The following AP3S1 variants were observed in gnomAD, a reference collection of about 807,000 sequenced individuals.
AP3S1 encodes the protein AP-3 complex subunit sigma-1.
Under a neutral mutation model 21.3 loss-of-function variants are expected in AP3S1, and 12 were observed. The ratio of observed to expected loss-of-function variants is 0.56; its 90% confidence interval spans 0.36 to 0.91. The LOEUF (loss-of-function observed/expected upper bound fraction) is 0.91, where lower values mean the gene tolerates loss of function less well. AP3S1 is among the 40% of genes least tolerant of loss of function. The pLI is 0.01. For missense variants in AP3S1, 116 were observed against 225.0 expected, an observed-to-expected ratio of 0.52 and a Z score of 3.10; for synonymous variants, 48 against 78.4, an observed-to-expected ratio of 0.61 and a Z score of 2.05.
chr5:115,885,735 T>C (rs1460463392), intron 3 of AP3S1, among the ~76,000 whole-genome samples: 1 of 152,220 alleles, frequency 6.6e-6, no homozygotes, highest in Non-Finnish European at 1.5e-5. Context: ...ACAGCTAATA[T>C]TAACCATCAC....
In AP3S1 at chr5:115,907,070, T is replaced by C. The variant is rs1399334409; in HGVS notation, c.453+4078T>C. 7 of 881,496 alleles carry C rather than the reference T, an allele frequency of 7.9e-6. No individual in the cohort carries two copies. In the African/African-American group the frequency reaches 9.1e-5, roughly 11 times the overall value. The allele number at this position is 881,496 out of a possible 1,614,324, so 54.6% of individuals were successfully genotyped here. A position where few individuals can be genotyped will look rare whatever the true frequency, so the allele number is the denominator to read the frequency against. ...TTTTACTAGTATATCATTGATGTCA[T>C]GTTTGTTCTGTTTTGTCTGCCTGCA... On this transcript the variant is annotated intron_variant, in intron 5 of 5. Transcript: ENST00000316788.
chr5:115,864,791 A>G (rs1763488031), intron 1 of AP3S1, among the ~76,000 whole-genome samples: 1 of 152,216 alleles, frequency 6.6e-6, no homozygotes, highest in Non-Finnish European at 1.5e-5. Flanking sequence ...AGCAGAACAC[A>G]TTTTGATGGA....
At chr5:115,900,693 T>A (rs901797714) in intron 4 of AP3S1, among the ~76,000 whole-genome samples, 1 of 152,230 alleles carries the variant, frequency 6.6e-6, no homozygotes, top group Non-Finnish European at 1.5e-5. Flanking sequence ...GAACCCTGGC[T>A]TCCTTCAGTA....
intron 3 of AP3S1, among the ~76,000 whole-genome samples, chr5:115,892,888 A>G (rs778836286): frequency 1.3e-5 from 2 of 152,226 alleles, no homozygotes; most frequent in Non-Finnish European, 2.9e-5. Flanking sequence ...AGTGATTATC[A>G]TGCATTGCAT....
At chr5:115,896,503 G>A (rs113622611) in intron 4 of AP3S1, among the ~76,000 whole-genome samples, 6 of 152,306 alleles carry the variant, frequency 3.9e-5, no homozygotes, top group African/African-American at 1.4e-4. Context: ...TGAAGACCAG[G>A]TGCAGGTGCT....
intron 5 of AP3S1, among the ~76,000 whole-genome samples, chr5:115,910,070 C>T (rs1751975106): frequency 6.6e-6 from 1 of 152,054 alleles, no homozygotes; most frequent in Admixed American, 6.6e-5. Flanking sequence ...TTGAGCCAGT[C>T]TGGGCAACAC....
intron 1 of AP3S1, among the ~76,000 whole-genome samples, 177 bp downstream of exon 1, chr5:115,842,283 C>T (rs567765287): frequency 6.6e-6 from 1 of 152,302 alleles, no homozygotes; most frequent in Non-Finnish European, 1.5e-5. Flanking sequence ...TGCCCACCTC[C>T]CTGCCGCGCG....
At chr5:115,846,554 CG>C (rs1561467189) in intron 1 of AP3S1, among the ~76,000 whole-genome samples, 1 of 145,578 alleles carries the variant, frequency 6.9e-6, no homozygotes, top group Non-Finnish European at 1.5e-5. Context: ...TCTTCTTTCT[CG>C]TTTTTTTTTT....
chr5:115,894,889 G>A (rs1210052307), intron 3 of AP3S1, among the ~76,000 whole-genome samples, 198 bp from the exon 4 acceptor site: 1 of 152,058 alleles, frequency 6.6e-6, no homozygotes, highest in Non-Finnish European at 1.5e-5. Context: ...CTTATGTATT[G>A]AAAAGTAATT....
chr5:115,864,613 A>C (rs535483076), intron 1 of AP3S1, among the ~76,000 whole-genome samples: 9 of 152,366 alleles, frequency 5.9e-5, no homozygotes, highest in African/African-American at 2.2e-4. Flanking sequence ...ATTCCTGCTG[A>C]AGAAAACCGT....
At position 115,895,074 on chromosome 5, in the gene AP3S1, T is replaced by C. The variant is rs765077859; in HGVS notation, c.274-13T>C. 3.8e-6 allele frequency: 6 copies of C among 1,577,540 alleles called. No homozygotes were observed. The Admixed American group carries it at 7.1e-5, about 19-fold the overall frequency. On this transcript the variant is annotated splice_polypyrimidine_tract_variant and intron_variant, in intron 3 of 5. Transcript: ENST00000316788. ...TTTAAACAGTTCTTAAAACCTTTTT[T>C]CTTTTTCCATAGGTATTTGTGGAAA...
At chr5:115,909,101 G>C (rs759186078) in intron 5 of AP3S1, 20 of 409,908 alleles carry the variant, frequency 4.9e-5, no homozygotes, top group Admixed American at 6.5e-5. Flanking sequence ...AAAAAAAAAA[G>C]ATATTTTAAG....
chr5:115,893,831 A>G (rs1274845867), intron 3 of AP3S1, among the ~76,000 whole-genome samples: 1 of 152,174 alleles, frequency 6.6e-6, no homozygotes, highest in Non-Finnish European at 1.5e-5. Context: ...ATACTATTAT[A>G]TAATTTATTA....
At chr5:115,848,519 T>C (rs886163501) in intron 1 of AP3S1, among the ~76,000 whole-genome samples, 1 of 152,254 alleles carries the variant, frequency 6.6e-6, no homozygotes, top group Non-Finnish European at 1.5e-5. Flanking sequence ...TATCTTTCTT[T>C]TGTATAAAAT....
At chr5:115,864,231 A>G (rs1179390557) in intron 1 of AP3S1, among the ~76,000 whole-genome samples, 1 of 152,134 alleles carries the variant, frequency 6.6e-6, no homozygotes, top group East Asian at 1.9e-4. Flanking sequence ...GTGGATGAGA[A>G]CCCCTTTTCT....
At chr5:115,875,887 A>C (rs543300922) in intron 3 of AP3S1, among the ~76,000 whole-genome samples, 2 of 152,154 alleles carry the variant, frequency 1.3e-5, no homozygotes, top group African/African-American at 2.4e-5. Flanking sequence ...TGTTATTTTC[A>C]TGCTTGAGAA....
chr5:115,879,673 G>T (rs1220516850), intron 3 of AP3S1, among the ~76,000 whole-genome samples: 2 of 151,980 alleles, frequency 1.3e-5, no homozygotes, highest in Non-Finnish European at 2.9e-5. Flanking sequence ...TTTTTCTTGT[G>T]TCTCTCTCAG....
At chr5:115,873,011 GA>G (rs1490820748) in intron 3 of AP3S1, among the ~76,000 whole-genome samples, 1 of 152,136 alleles carries the variant, frequency 6.6e-6, no homozygotes, top group African/African-American at 2.4e-5. Context: ...AAAAACAGGA[GA>G]AAGTGTACCA....
At chr5:115,869,293 C>T (rs978454114) in intron 2 of AP3S1, among the ~76,000 whole-genome samples, 17 of 152,176 alleles carry the variant, frequency 1.1e-4, no homozygotes, top group South Asian at 2.1e-4. Flanking sequence ...GAGATCTTGA[C>T]GGTAAATCTA....
Sources: allele counts gnomAD v4.1 joint callset (sites outside exome capture counted in the v4.1 genomes callset), GRCh38; gene constraint gnomAD v4.1.1; transcripts MANE v1.5; gene names NCBI Gene and HGNC (gene_info 2026-07-23, HGNC 2026-07-21).